The following GPC5 variants were observed in gnomAD, a reference collection of about 807,000 sequenced individuals.
GPC5 encodes the protein glypican-5.
A neutral mutation model predicts 53.9 loss-of-function variants in GPC5; 47 were observed. The observed-to-expected ratio is 0.87, with a 90% CI of 0.69 to 1.11. The LOEUF (loss-of-function observed/expected upper bound fraction) is 1.11. Ranked by LOEUF, GPC5 falls within the 50% of genes most tolerant of loss-of-function variation. The pLI is 0.00. For synonymous variants in GPC5, 286 were observed against 263.3 expected, an observed-to-expected ratio of 1.09 and a Z score of -0.84; for missense variants, 748 against 713.1, an observed-to-expected ratio of 1.05 and a Z score of -0.56.
intron 2 of GPC5, among the ~76,000 whole-genome samples, chr13:91,678,148 T>C (rs2035425797): frequency 6.6e-6 from 1 of 152,160 alleles, no homozygotes. Flanking sequence ...TGTCTGTAAC[T>C]TCGGAGTGAA....
chr13:92,595,751 G>C (rs1217085859), intron 7 of GPC5, among the ~76,000 whole-genome samples: 3 of 127,440 alleles, frequency 2.4e-5, no homozygotes, highest in African/African-American at 8.8e-5. Flanking sequence ...CTGGGCGAAA[G>C]AGCGAGACTC....
chr13:92,854,587 A>G (rs894951427), intron 7 of GPC5, among the ~76,000 whole-genome samples: 2 of 152,082 alleles, frequency 1.3e-5, no homozygotes, highest in Non-Finnish European at 2.9e-5. Context: ...TTATCAAGTC[A>G]GAAGCATAGC....
At chr13:92,341,267 C>T (rs1275010144) in intron 7 of GPC5, among the ~76,000 whole-genome samples, 2 of 152,066 alleles carry the variant, frequency 1.3e-5, no homozygotes, top group Non-Finnish European at 2.9e-5. Flanking sequence ...TAAACTTTAT[C>T]TCATCAAGCA....
At chr13:92,405,596 A>G (rs895345350) in intron 7 of GPC5, among the ~76,000 whole-genome samples, 5 of 152,220 alleles carry the variant, frequency 3.3e-5, no homozygotes, top group Non-Finnish European at 7.3e-5. Flanking sequence ...CTTAAATTAA[A>G]AAGAGTGAAT....
At chr13:92,299,700 T>C (rs145080983) in intron 7 of GPC5, among the ~76,000 whole-genome samples, 1 of 152,342 alleles carries the variant, frequency 6.6e-6, no homozygotes, top group East Asian at 1.9e-4. Flanking sequence ...TATTCTAGTT[T>C]AAAAATTCTT....
intron 7 of GPC5, among the ~76,000 whole-genome samples, chr13:92,203,918 A>AG (rs1302423820): frequency 2.6e-5 from 4 of 152,064 alleles, no homozygotes; most frequent in African/African-American, 9.7e-5. Context: ...TTCTTTCTCA[A>AG]ATGAAAAAAA....
intron 7 of GPC5, among the ~76,000 whole-genome samples, chr13:92,460,988 T>C (rs922359669): frequency 2.0e-5 from 3 of 152,144 alleles, no homozygotes; most frequent in African/African-American, 7.2e-5. Flanking sequence ...AGCTTGAAGA[T>C]GTTACATGGA....
intron 6 of GPC5, among the ~76,000 whole-genome samples, chr13:91,931,898 T>C (rs893110451): frequency 4.6e-5 from 7 of 151,964 alleles, no homozygotes; most frequent in African/African-American, 1.7e-4. Flanking sequence ...ATTCATTACA[T>C]CTCTGTTTAT....
At position 92,211,155 on chromosome 13, in the gene GPC5, G is replaced by A. The variant is rs139111514; in HGVS notation, c.1561+66166G>A. 4.3e-4 allele frequency among the ~76,000 whole-genome samples: 66 copies of A among 152,018 alleles called. No homozygotes were observed. In the East Asian group the frequency reaches 9.0e-3, roughly 21 times the overall value. On this transcript the variant is annotated intron_variant, in intron 7 of 7. Coordinates refer to ENST00000377067, the MANE Select transcript of GPC5 (RefSeq NM_004466.6). Reference sequence around the variant, plus strand: ...TATTTATTTATGAGGAAAAGCACTTGAAAATGGCTAATTCTTGGTATATGC... The same window carrying A: ...TATTTATTTATGAGGAAAAGCACTTAAAAATGGCTAATTCTTGGTATATGC...
intron 6 of GPC5, among the ~76,000 whole-genome samples, chr13:91,940,365 A>G (rs112221995): frequency 0.024 from 3,724 of 152,226 alleles, 147 homozygotes; most frequent in African/African-American, 0.085. Context: ...CGTTATATAC[A>G]TACTACATTT....
At chr13:92,848,987 A>T (rs1476059988) in intron 7 of GPC5, among the ~76,000 whole-genome samples, 1 of 152,090 alleles carries the variant, frequency 6.6e-6, no homozygotes, top group East Asian at 2.0e-4. Flanking sequence ...TTCAAAATCC[A>T]TATAATTCCC....
intron 7 of GPC5, among the ~76,000 whole-genome samples, chr13:92,263,125 A>C (rs2042778096): frequency 6.6e-6 from 1 of 152,156 alleles, no homozygotes; most frequent in African/African-American, 2.4e-5. Context: ...AACTGGAAAC[A>C]ATATTACTCT....
At chr13:92,509,080 C>T (rs1013542522) in intron 7 of GPC5, among the ~76,000 whole-genome samples, 1 of 152,094 alleles carries the variant, frequency 6.6e-6, no homozygotes, top group African/African-American at 2.4e-5. Flanking sequence ...CAGATAGTAA[C>T]AAGCACTCGA....
rs1876661911 is a variant in GPC5 at position 91,398,699 on chromosome 13, G to T, written c.-348G>T. ...CGGCAGTGGCGGCAGTGGCGGCAGTGGCGGCAGCGGCAGCAGTTGCAGCAG... is the reference window on the plus strand; with the variant it reads ...CGGCAGTGGCGGCAGTGGCGGCAGTTGCGGCAGCGGCAGCAGTTGCAGCAG... On this transcript the variant is annotated 5_prime_UTR_variant, in exon 1 of 8. Transcript: ENST00000377067. The T allele has an allele frequency of 8.5e-6, 2 of 235,004 alleles. No individual in the cohort carries two copies. The highest frequency in any genetic ancestry group is 9.0e-5 in the East Asian group (1 of 11,128). 14.6% of individuals were successfully genotyped at this position (235,004 alleles called of 1,614,324 possible).
In GPC5 at chr13:92,784,482, T is replaced by A. The variant is rs147280747; in HGVS notation, c.1562-81800T>A. ...GTACTTTACTCACAGTCTCCCTTTT[T>A]TTTTTTACAGATGTAATGTATGGGT... On this transcript the variant is annotated intron_variant, in intron 7 of 7. Coordinates refer to ENST00000377067, the MANE Select transcript of GPC5 (RefSeq NM_004466.6). Among the ~76,000 whole-genome samples the A allele has an allele frequency of 1.2e-3, 181 of 152,300 alleles. 3 individuals carry two copies. The highest frequency in any genetic ancestry group is 4.3e-3 in the African/African-American group (177 of 41,576).
chr13:92,341,778 T>A (rs2043368800), intron 7 of GPC5, among the ~76,000 whole-genome samples: 1 of 152,012 alleles, frequency 6.6e-6, no homozygotes, highest in Non-Finnish European at 1.5e-5. Context: ...AATGGTTTAT[T>A]GTTATTTACA....
At chr13:92,014,621 G>A (rs890838061) in intron 6 of GPC5, among the ~76,000 whole-genome samples, 2 of 151,920 alleles carry the variant, frequency 1.3e-5, no homozygotes, top group Admixed American at 6.6e-5. Flanking sequence ...AGACTCTAAT[G>A]TTACCATATT....
At chr13:92,364,233 A>G (rs1333227081) in intron 7 of GPC5, among the ~76,000 whole-genome samples, 4 of 151,854 alleles carry the variant, frequency 2.6e-5, no homozygotes, top group African/African-American at 9.7e-5. Flanking sequence ...GGAACACTAT[A>G]CATGATATAA....
At chr13:92,583,097 A>G (rs2139055914) in intron 7 of GPC5, among the ~76,000 whole-genome samples, 1 of 152,312 alleles carries the variant, frequency 6.6e-6, no homozygotes, top group South Asian at 2.1e-4. Flanking sequence ...TCAACTTTTC[A>G]CTGTTAAGTA....
Sources: allele counts gnomAD v4.1 joint callset (sites outside exome capture counted in the v4.1 genomes callset), GRCh38; gene constraint gnomAD v4.1.1; transcripts MANE v1.5; gene names NCBI Gene and HGNC (gene_info 2026-07-23, HGNC 2026-07-21).